The following CAMKMT variants were observed in gnomAD, a reference collection of about 807,000 sequenced individuals.
The protein encoded by CAMKMT is CaM KMT.
A neutral mutation model predicts 48.0 loss-of-function variants in CAMKMT; 53 were observed. That is an observed-to-expected ratio of 1.10 (90% CI 0.89 to 1.39). CAMKMT has a LOEUF of 1.39. Ranked by LOEUF, CAMKMT falls within the 40% of genes most tolerant of loss-of-function variation. The pLI is 0.00. For synonymous variants in CAMKMT, 165 were observed against 152.3 expected, an observed-to-expected ratio of 1.08 and a Z score of -0.61; for missense variants, 428 against 402.7, an observed-to-expected ratio of 1.06 and a Z score of -0.54.
intron 3 of CAMKMT, among the ~76,000 whole-genome samples, chr2:44,430,845 G>C (rs529330208): frequency 6.6e-6 from 1 of 152,036 alleles, no homozygotes; most frequent in Non-Finnish European, 1.5e-5. Context: ...AATTAAGTAG[G>C]GTAAATTACA....
At chr2:44,488,236 C>T (rs1305310894) in intron 3 of CAMKMT, among the ~76,000 whole-genome samples, 3 of 152,204 alleles carry the variant, frequency 2.0e-5, no homozygotes, top group African/African-American at 7.2e-5. Flanking sequence ...CGGTGGCTCA[C>T]ACCTGTAATC....
At chr2:44,498,463 G>C (rs567353485) in intron 3 of CAMKMT, among the ~76,000 whole-genome samples, 1 of 152,144 alleles carries the variant, frequency 6.6e-6, no homozygotes, top group East Asian at 1.9e-4. Context: ...CATTCTCTAC[G>C]TAAGGTTAAG....
chr2:44,509,752 T>C (rs1464106930), intron 3 of CAMKMT, among the ~76,000 whole-genome samples: 1 of 152,146 alleles, frequency 6.6e-6, no homozygotes, highest in African/African-American at 2.4e-5. Flanking sequence ...GTTGTCACTA[T>C]TGTAGAACTG....
intron 3 of CAMKMT, among the ~76,000 whole-genome samples, chr2:44,526,262 C>T (rs935223925): frequency 1.3e-5 from 2 of 152,110 alleles, no homozygotes; most frequent in African/African-American, 2.4e-5. Flanking sequence ...TATTGTCTGC[C>T]TAGAAAATGT....
At chr2:44,727,934 G>C (rs1342834617) in intron 7 of CAMKMT, among the ~76,000 whole-genome samples, 1 of 151,948 alleles carries the variant, frequency 6.6e-6, no homozygotes, top group Non-Finnish European at 1.5e-5. Context: ...ATGCTTGTTT[G>C]TTTTTAGAGA....
intron 3 of CAMKMT, among the ~76,000 whole-genome samples, chr2:44,704,068 T>C (rs929296866): frequency 5.9e-5 from 9 of 152,198 alleles, no homozygotes; most frequent in Non-Finnish European, 1.2e-4. Flanking sequence ...ATAATTTATT[T>C]AGGATATTTT....
chr2:44,419,054 C>A (rs1033653114), intron 3 of CAMKMT, among the ~76,000 whole-genome samples: 1 of 152,070 alleles, frequency 6.6e-6, no homozygotes, highest in African/African-American at 2.4e-5. Flanking sequence ...TGCTAGAAAT[C>A]AGTTATTGAA....
At chr2:44,756,100 A>G (rs1035959700) in intron 9 of CAMKMT, among the ~76,000 whole-genome samples, 2 of 152,212 alleles carry the variant, frequency 1.3e-5, no homozygotes, top group Admixed American at 1.3e-4. Flanking sequence ...ATCCCCATCA[A>G]CAGGTCTGGG....
chr2:44,731,945 T>C (rs343972), intron 7 of CAMKMT, among the ~76,000 whole-genome samples: 22,278 of 152,200 alleles, frequency 0.15, 1,736 homozygotes, highest in South Asian at 0.19. Context: ...ATAGCTGTTA[T>C]GATTTTTCTT....
At chr2:44,659,075 G>GTTTTTTT (rs1192483405) in intron 3 of CAMKMT, among the ~76,000 whole-genome samples, 1 of 86,340 alleles carries the variant, frequency 1.2e-5, no homozygotes, top group Non-Finnish European at 2.3e-5. Context: ...TGTGTGTGTA[G>GTTTTTTT]TTTTTTTTTT....
At chr2:44,493,124 T>A (rs1472713723) in intron 3 of CAMKMT, among the ~76,000 whole-genome samples, 1 of 151,970 alleles carries the variant, frequency 6.6e-6, no homozygotes, top group Admixed American at 6.6e-5. Context: ...CTCGAGCTCC[T>A]GACCTCGTGA....
intron 1 of CAMKMT, among the ~76,000 whole-genome samples, chr2:44,363,190 T>C (rs1439237955): frequency 6.6e-6 from 1 of 152,194 alleles, no homozygotes; most frequent in Admixed American, 6.5e-5. Flanking sequence ...ACATTGACAG[T>C]CTTTCCAGAC....
At chr2:44,758,743 T>A (rs917605563) in intron 9 of CAMKMT, among the ~76,000 whole-genome samples, 6 of 152,286 alleles carry the variant, frequency 3.9e-5, no homozygotes, top group South Asian at 2.1e-4. Flanking sequence ...TCCTTAAAAG[T>A]CCATGACAAC....
At chr2:44,689,484 A>T (rs1406959228) in intron 3 of CAMKMT, among the ~76,000 whole-genome samples, 1 of 151,958 alleles carries the variant, frequency 6.6e-6, no homozygotes, top group African/African-American at 2.4e-5. Context: ...TGGCCTGTTC[A>T]TCCCACCCTG....
chr2:44,682,755 C>T lies in CAMKMT; in HGVS notation c.377-21528C>T, dbSNP rs372756432. Reference sequence around the variant, plus strand: ...TTGAAAATATTCTTAGAAGAGAATACGCAGAAAATTACATTTCTCAACACT... The same window carrying T: ...TTGAAAATATTCTTAGAAGAGAATATGCAGAAAATTACATTTCTCAACACT... On this transcript the variant is annotated intron_variant, in intron 3 of 10. Transcript: ENST00000378494. 9.9e-5 allele frequency among the ~76,000 whole-genome samples: 15 copies of T among 152,058 alleles called. No individual in the cohort carries two copies. In the South Asian group the frequency reaches 1.5e-3, roughly 15 times the overall value.
Position 44,772,164 on chromosome 2 carries a change from T to C in CAMKMT, c.*51T>C. The C allele has an allele frequency of 6.6e-7, 1 of 1,508,544 alleles. No homozygotes were observed. The highest frequency in any genetic ancestry group is 2.3e-5 in the East Asian group (1 of 44,372). 93.4% of individuals were successfully genotyped at this position (1,508,544 alleles called of 1,614,324 possible). ...AAACGTATCAAGTGCATAGGGAATA[T>C]TTTTACAAAAACGGAAATCTGTAAG... On this transcript the variant is annotated 3_prime_UTR_variant, in exon 11 of 11. Coordinates refer to ENST00000378494, the MANE Select transcript of CAMKMT (RefSeq NM_024766.5).
chr2:44,758,453 T>G (rs746867550), intron 9 of CAMKMT, among the ~76,000 whole-genome samples: 50 of 152,148 alleles, frequency 3.3e-4, no homozygotes, highest in Non-Finnish European at 5.6e-4. Context: ...GGCCCCAAAT[T>G]TTAGCAGGGA....
At chr2:44,669,179 T>C (rs952783752) in intron 3 of CAMKMT, among the ~76,000 whole-genome samples, 3 of 152,270 alleles carry the variant, frequency 2.0e-5, no homozygotes, top group African/African-American at 4.8e-5. Context: ...TTTGGACTTA[T>C]GTATATGGAA....
rs186139560 is a variant in CAMKMT, at chr2:44,365,516, G to A, written c.138+3371G>A. On this transcript the variant is annotated intron_variant, in intron 1 of 10. Coordinates refer to ENST00000378494, the MANE Select transcript of CAMKMT (RefSeq NM_024766.5). Reference sequence around the variant, plus strand: ...TTGTTGAGTCTCATTACATGTTGACGAAGATGGCCACTGGCAACTCCGGGC... The same window carrying A: ...TTGTTGAGTCTCATTACATGTTGACAAAGATGGCCACTGGCAACTCCGGGC... Among the ~76,000 whole-genome samples, 776 of 152,272 alleles carry A rather than the reference G, an allele frequency of 5.1e-3. 4 individuals carry two copies. Among genetic ancestry groups the A allele is most frequent in the Non-Finnish European group, 7.3e-3 (495 of 68,018 alleles).
Sources: allele counts gnomAD v4.1 joint callset (sites outside exome capture counted in the v4.1 genomes callset), GRCh38; gene constraint gnomAD v4.1.1; transcripts MANE v1.5; gene names NCBI Gene and HGNC (gene_info 2026-07-23, HGNC 2026-07-21).